Variants in RFTN2 observed in about 807,000 individuals in gnomAD.
The protein encoded by RFTN2 is raftlin-2.
RFTN2 carries 34 observed loss-of-function variants against 52.7 expected under a neutral mutation model. The ratio of observed to expected loss-of-function variants is 0.64; its 90% CI spans 0.49 to 0.86. The LOEUF (loss-of-function observed/expected upper bound fraction) is 0.86, where lower values mean the gene tolerates loss of function less well. Ranked by LOEUF, RFTN2 falls within the 40% of genes least tolerant of loss-of-function variation. The pLI, the probability that RFTN2 is intolerant of heterozygous loss-of-function variation, is 0.00. For missense variants in RFTN2, 536 were observed against 600.1 expected (o/e 0.89, Z 1.12); for synonymous variants, 203 against 217.7 (o/e 0.93, Z 0.59).
intron 6 of RFTN2, among the ~76,000 whole-genome samples, chr2:197,617,126 T>C (rs890042179): frequency 2.6e-5 from 4 of 152,176 alleles, no homozygotes; most frequent in Non-Finnish European, 5.9e-5. Flanking sequence ...AAGTCATTCA[T>C]AAGGTTAAAA....
At chr2:197,651,580 C>A (rs981916099) in intron 1 of RFTN2, among the ~76,000 whole-genome samples, 1 of 152,080 alleles carries the variant, frequency 6.6e-6, no homozygotes, top group Admixed American at 6.6e-5. Context: ...CGTGTCACTG[C>A]ATTCCAGCCT....
chr2:197,588,103 A>T, intron 8 of RFTN2: 1 of 451,478 alleles, frequency 2.2e-6, no homozygotes, highest in Non-Finnish European at 4.5e-6. Flanking sequence ...AAAATAACAC[A>T]CATTTAATAT....
At chr2:197,608,786 C>A (rs767674253) in intron 7 of RFTN2, among the ~76,000 whole-genome samples, 1 of 151,744 alleles carries the variant, frequency 6.6e-6, no homozygotes, top group Non-Finnish European at 1.5e-5. Context: ...TCCCCCAGCT[C>A]CCCACCCCAC....
intron 5 of RFTN2, among the ~76,000 whole-genome samples, chr2:197,619,333 G>C (rs1035766776): frequency 6.6e-6 from 1 of 152,078 alleles, no homozygotes; most frequent in African/African-American, 2.4e-5. Flanking sequence ...TTGAGAAATC[G>C]GATGGTTGCC....
rs772781506 is a variant in RFTN2 at position 197,617,886 on chromosome 2, T to A, written c.964A>T (p.Ile322Phe). Residue 322 changes from isoleucine (I) to phenylalanine (F), a missense_variant, in exon 6 of 9, where the codon ATC (isoleucine) becomes TTC (phenylalanine). Physicochemically the swap from Ile to Phe is conservative, Grantham distance 21. Transcript: ENST00000295049. ...HLPKSLEGFF[I>F]YEEEGSGVPG... ...ACTCCAGAACCTTCTTCTTCATAGA[T>A]AAAAAATCCTTCCAAAGATTTAGGC... The A allele has an allele frequency of 2.5e-6, 4 of 1,610,020 alleles. No individual in the cohort carries two copies. The African/African-American group carries it at 5.4e-5, about 22-fold the overall frequency.
chr2:197,590,607 G>A (rs2087690042), intron 8 of RFTN2, among the ~76,000 whole-genome samples: 1 of 152,216 alleles, frequency 6.6e-6, no homozygotes, highest in South Asian at 2.1e-4. Context: ...GACTCTCACG[G>A]TGAGTGTTAT....
At chr2:197,627,338 A>G (rs184710062) in intron 5 of RFTN2, among the ~76,000 whole-genome samples, 47 of 152,208 alleles carry the variant, frequency 3.1e-4, no homozygotes, top group Non-Finnish European at 4.7e-4. Flanking sequence ...AATATCCTCT[A>G]TGGTCATGTT....
At chr2:197,594,093 A>G (rs1250057630) in intron 8 of RFTN2, among the ~76,000 whole-genome samples, 2 of 141,942 alleles carry the variant, frequency 1.4e-5, no homozygotes, top group Non-Finnish European at 1.5e-5. Context: ...TTGGCTCACT[A>G]CAACCTCTAC....
chr2:197,612,389 C>T (rs2088078093), intron 7 of RFTN2, among the ~76,000 whole-genome samples: 1 of 152,198 alleles, frequency 6.6e-6, no homozygotes. Flanking sequence ...CCTGCCCACA[C>T]TCCAGAATTG....
At chr2:197,634,043 T>C (rs772523712) in intron 3 of RFTN2, 46 bp from the exon 4 acceptor site, 2 of 1,485,156 alleles carry the variant, frequency 1.3e-6, no homozygotes, top group South Asian at 2.5e-5. Flanking sequence ...AACTCTATTT[T>C]CATTGATTAC....
At chr2:197,592,616 A>G (rs2087736746) in intron 8 of RFTN2, among the ~76,000 whole-genome samples, 1 of 152,224 alleles carries the variant, frequency 6.6e-6, no homozygotes, top group South Asian at 2.1e-4. Flanking sequence ...AATATCTACC[A>G]ACTGTTTTTA....
At chr2:197,668,384 G>A (rs1023996240) in intron 1 of RFTN2, among the ~76,000 whole-genome samples, 1 of 152,158 alleles carries the variant, frequency 6.6e-6, no homozygotes, top group Non-Finnish European at 1.5e-5. Flanking sequence ...CAGTGGCCAT[G>A]CTGCTGTCCT....
chr2:197,640,330 C>G (rs552478447), intron 3 of RFTN2, among the ~76,000 whole-genome samples: 7 of 152,316 alleles, frequency 4.6e-5, no homozygotes, highest in South Asian at 2.1e-4. Flanking sequence ...GCCCCTCCCC[C>G]AGCCTCACTG....
chr2:197,646,910 A>AC (rs1553604399), intron 1 of RFTN2, among the ~76,000 whole-genome samples: 66 of 136,488 alleles, frequency 4.8e-4, no homozygotes, highest in East Asian at 1.3e-3. Context: ...AAAAAAAAAA[A>AC]AAAAAAAAAA....
At chr2:197,588,370 G>C (rs1019537020) in intron 8 of RFTN2, among the ~76,000 whole-genome samples, 10 of 152,168 alleles carry the variant, frequency 6.6e-5, no homozygotes, top group African/African-American at 1.9e-4. Context: ...TTTATTTGTA[G>C]AGACAGACTT....
intron 7 of RFTN2, among the ~76,000 whole-genome samples, chr2:197,611,264 C>T (rs957146853): frequency 1.3e-5 from 2 of 152,062 alleles, no homozygotes; most frequent in Non-Finnish European, 2.9e-5. Context: ...GGTTGGTACG[C>T]TATTAATTAT....
At chr2:197,609,972 C>T in intron 7 of RFTN2, among the ~76,000 whole-genome samples, 1 of 152,108 alleles carries the variant, frequency 6.6e-6, no homozygotes, top group African/African-American at 2.4e-5. Flanking sequence ...TTCCATTGGT[C>T]TATATATCTG....
chr2:197,658,250 G>T (rs529099250), intron 1 of RFTN2, among the ~76,000 whole-genome samples: 1 of 151,004 alleles, frequency 6.6e-6, no homozygotes, highest in South Asian at 2.1e-4. Flanking sequence ...TCCAATGCCT[G>T]GTCTTCATAA....
chr2:197,629,230 T>C (rs2088420187), intron 5 of RFTN2, among the ~76,000 whole-genome samples: 1 of 152,034 alleles, frequency 6.6e-6, no homozygotes, highest in African/African-American at 2.4e-5. Context: ...ATTAAGAAAA[T>C]GTGGCACATA....
Sources: allele counts gnomAD v4.1 joint callset (sites outside exome capture counted in the v4.1 genomes callset), GRCh38; gene constraint gnomAD v4.1.1; transcripts MANE v1.5; gene names NCBI Gene and HGNC (gene_info 2026-07-23, HGNC 2026-07-21).